ZSCAN30: variants seen among roughly 807,000 people sequenced by gnomAD.
ZSCAN30 encodes the protein zinc finger and SCAN domain-containing protein 30.
In ZSCAN30, 37 loss-of-function variants were observed where a neutral mutation model predicts 44.3. The ratio of observed to expected loss-of-function variants is 0.84; its 90% CI spans 0.64 to 1.10. ZSCAN30 has a LOEUF of 1.10. Among genes scored for constraint, ZSCAN30 ranks in the 50% least tolerant of loss-of-function variants. The pLI, the probability that ZSCAN30 is intolerant of heterozygous loss-of-function variation, is 0.00. For missense variants in ZSCAN30, 549 were observed against 582.6 expected (o/e 0.94, Z 0.59); for synonymous variants, 181 against 204.6 (o/e 0.88, Z 0.98).
chr18:35,253,695 C>A lies in ZSCAN30; in HGVS notation c.1240G>T (p.Glu414Ter). Residue 414 changes from glutamate to a stop codon, truncating the protein, a stop_gained, in exon 4 of 4, where the codon GAA becomes TAA. Coordinates refer to ENST00000333206, the MANE Select transcript of ZSCAN30 (RefSeq NM_001112734.4). LOFTEE classifies it high-confidence loss of function. ...KKIHTGDKSYECIACGKAFGR... is the reference protein window; with the variant it reads ...KKIHTGDKSY ...AAAGCCTTACCACATGCAATACATT[C>A]ATAGCTTTTATCTCCAGTGTGAATT... 1 of 1,614,172 alleles carries A rather than the reference C, an allele frequency of 6.2e-7. No individual in the cohort carries two copies. The highest frequency in any genetic ancestry group is 1.1e-5 in the South Asian group (1 of 91,086).
chr18:35,272,312 G>T (rs1324765335), intron 1 of ZSCAN30, among the ~76,000 whole-genome samples: 1 of 151,386 alleles, frequency 6.6e-6, no homozygotes, highest in Non-Finnish European at 1.5e-5. Context: ...TTACAGGTGT[G>T]AGCCACCGTG....
At chr18:35,271,345 G>C (rs2044270477) in intron 1 of ZSCAN30, among the ~76,000 whole-genome samples, 3 of 152,148 alleles carry the variant, frequency 2.0e-5, no homozygotes, top group African/African-American at 7.2e-5. Context: ...TAGACACAGA[G>C]TGCTGATTGG....
At position 35,253,803 on chromosome 18, in the gene ZSCAN30, T is replaced by C. The variant is rs1187665436; in HGVS notation, c.1132A>G (p.Ile378Val). The C allele has an allele frequency of 6.2e-7, 1 of 1,614,146 alleles. No individual in the cohort carries two copies. The highest frequency in any genetic ancestry group is 2.2e-5 in the East Asian group (1 of 44,882). Residue 378 changes from isoleucine to valine, a missense_variant, in exon 4 of 4, where the codon ATC becomes GTC. Ile to Val is a conservative substitution (Grantham distance 29). Coordinates refer to ENST00000333206, the MANE Select transcript of ZSCAN30 (RefSeq NM_001112734.4). ...TCATAAGGCTTCTCTCCAGTGTGGATTCTCCGATGCCTGATGAGCTCTGAA... is the reference window on the plus strand; with the variant it reads ...TCATAAGGCTTCTCTCCAGTGTGGACTCTCCGATGCCTGATGAGCTCTGAA... ...GSSELIRHRR[I>V]HTGEKPYECG...
chr18:35,263,258 A>AAAAAAG (rs1157708536), intron 3 of ZSCAN30: 4 of 455,942 alleles, frequency 8.8e-6, no homozygotes, highest in Non-Finnish European at 1.5e-5. Flanking sequence ...AAAAAAAAAG[A>AAAAAAG]AAAAAGAAAA....
chr18:35,281,533 T>C (rs1192110037), intron 1 of ZSCAN30: 1 of 152,250 alleles, frequency 6.6e-6, no homozygotes, highest in Non-Finnish European at 1.5e-5. Context: ...CAAAACACTT[T>C]ACCTTTGTAC....
intron 3 of ZSCAN30, chr18:35,262,071 T>C (rs1254006467): frequency 6.6e-6 from 1 of 152,164 alleles, no homozygotes; most frequent in Non-Finnish European, 1.5e-5. Flanking sequence ...GGTCCTCATA[T>C]ACCTAATTTT....
At chr18:35,274,853 T>C (rs530886201) in intron 1 of ZSCAN30, among the ~76,000 whole-genome samples, 57 of 152,352 alleles carry the variant, frequency 3.7e-4, no homozygotes, top group Non-Finnish European at 6.3e-4. Flanking sequence ...GTACCAATAA[T>C]GGAAGCTGAG....
In ZSCAN30 at chr18:35,253,374, C is replaced by A; in HGVS notation, c.*76G>T. 1 of 1,321,252 alleles carries A rather than the reference C, an allele frequency of 7.6e-7. No individual in the cohort carries two copies. Among genetic ancestry groups the A allele is most frequent in the Admixed American group, 2.4e-5 (1 of 40,826 alleles). The allele number at this position is 1,321,252 out of a possible 1,614,324, so 81.8% of individuals were successfully genotyped here. Reference sequence around the variant, plus strand: ...GGACAGAAGTTCTGCTCTCAGGAAACTTTTCTTTTCTGTGGAGTCTCACCC... The same window carrying A: ...GGACAGAAGTTCTGCTCTCAGGAAAATTTTCTTTTCTGTGGAGTCTCACCC... On this transcript the variant is annotated 3_prime_UTR_variant, in exon 4 of 4. Coordinates refer to ENST00000333206, the MANE Select transcript of ZSCAN30 (RefSeq NM_001112734.4).
At chr18:35,287,875 C>CTTT (rs61171547) in intron 1 of ZSCAN30, among the ~76,000 whole-genome samples, 16 of 141,102 alleles carry the variant, frequency 1.1e-4, no homozygotes, top group East Asian at 1.0e-3. Context: ...TCTTCCTCTT[C>CTTT]TTTTTTTTTT....
Position 35,253,843 on chromosome 18 carries a change from T to C in ZSCAN30, c.1092A>G (p.Lys364=). ...TGAGCTCTGAACTGCCCCTGAAGGC[T>C]TTTCCACATTCACAACATTCATAGG... ...EKPYECCECG[K]AFRGSSELIR... The change falls in exon 4 of 4, where the codon AAA becomes AAG. Residue 364 remains lysine (K), a synonymous_variant. Coordinates refer to ENST00000333206, the MANE Select transcript of ZSCAN30 (RefSeq NM_001112734.4). 1 of 1,614,186 alleles carries C rather than the reference T, an allele frequency of 6.2e-7. No homozygotes were observed. Among genetic ancestry groups the C allele is most frequent in the Non-Finnish European group, 8.5e-7 (1 of 1,180,034 alleles).
chr18:35,272,350 G>GTT (rs35727680), intron 1 of ZSCAN30, among the ~76,000 whole-genome samples: 9,897 of 137,562 alleles, frequency 0.072, 684 homozygotes, highest in African/African-American at 0.18. Flanking sequence ...ATTTTAGAAA[G>GTT]TTTTTTTTTT....
chr18:35,286,023 A>G (rs1290619905), intron 1 of ZSCAN30, among the ~76,000 whole-genome samples: 1 of 152,208 alleles, frequency 6.6e-6, no homozygotes, highest in Non-Finnish European at 1.5e-5. Flanking sequence ...ACATCACTGC[A>G]GATTCAACAG....
chr18:35,254,412 A>G, intron 3 of ZSCAN30, 31 bp from the exon 4 acceptor site: 1 of 1,613,796 alleles, frequency 6.2e-7, no homozygotes, highest in Non-Finnish European at 8.5e-7. Flanking sequence ...TGTAAGTATC[A>G]TTTACTTCCC....
At chr18:35,258,196 C>G in intron 3 of ZSCAN30, 2 of 559,046 alleles carry the variant, frequency 3.6e-6, no homozygotes. Context: ...TGAAAAGAGA[C>G]TAGCATAAGG....
chr18:35,287,458 G>GA (rs2044571191), intron 1 of ZSCAN30, among the ~76,000 whole-genome samples: 1 of 145,914 alleles, frequency 6.9e-6, no homozygotes, highest in Admixed American at 7.2e-5. Flanking sequence ...GTAGATCAAT[G>GA]AAAAAATAGA....
Position 35,255,687 on chromosome 18 carries a change from A to T in ZSCAN30, c.554-1306T>A, listed in dbSNP as rs72959631. 226 of 154,474 alleles carry T rather than the reference A, an allele frequency of 1.5e-3. 1 individual carries two copies. The highest frequency in any genetic ancestry group is 2.8e-3 in the Non-Finnish European group (193 of 68,196). The allele number at this position is 154,474 out of a possible 1,614,324, so 9.6% of individuals were successfully genotyped here. A position where few individuals can be genotyped will look rare whatever the true frequency, so the allele number is the denominator to read the frequency against. On this transcript the variant is annotated intron_variant, in intron 3 of 3. Transcript: ENST00000333206. The stretch of plus-strand genomic sequence containing the variant: ...AGTTCACAACACTTCAAACACAACA[A>T]TAAAGCACCACAATTGATACCTGAT...
chr18:35,253,447 G>T lies in ZSCAN30; in HGVS notation c.*3C>A. 1 of 1,558,830 alleles carries T rather than the reference G, an allele frequency of 6.4e-7. No individual in the cohort carries two copies. The highest frequency in any genetic ancestry group is 1.4e-5 in the African/African-American group (1 of 73,368). On this transcript the variant is annotated 3_prime_UTR_variant, in exon 4 of 4. Coordinates refer to ENST00000333206, the MANE Select transcript of ZSCAN30 (RefSeq NM_001112734.4). Reference sequence around the variant, plus strand: ...CACAATTGTACAACTCTTACCCACAGAGTTAAACTCTGGTGTGTGTTCTCT... The same window carrying T: ...CACAATTGTACAACTCTTACCCACATAGTTAAACTCTGGTGTGTGTTCTCT...
At chr18:35,255,348 A>G (rs889369394) in intron 3 of ZSCAN30, among the ~76,000 whole-genome samples, 1 of 151,882 alleles carries the variant, frequency 6.6e-6, no homozygotes, top group Non-Finnish European at 1.5e-5. Context: ...AATGGCTGAT[A>G]TAACTTGAAT....
chr18:35,285,949 G>A (rs941858016), intron 1 of ZSCAN30, among the ~76,000 whole-genome samples: 1 of 152,066 alleles, frequency 6.6e-6, no homozygotes, highest in African/African-American at 2.4e-5. Flanking sequence ...ACAAAGCTCT[G>A]GCCTATCCGA....
Sources: allele counts gnomAD v4.1 joint callset (sites outside exome capture counted in the v4.1 genomes callset), GRCh38; gene constraint gnomAD v4.1.1; transcripts MANE v1.5; gene names NCBI Gene and HGNC (gene_info 2026-07-23, HGNC 2026-07-21).